The following DENND1B variants were observed in gnomAD, a reference collection of about 807,000 sequenced individuals.
DENND1B encodes the protein DENN domain containing 1B.
A neutral mutation model predicts 90.1 loss-of-function variants in DENND1B; 59 were observed. That is an observed-to-expected ratio of 0.65 (90% CI 0.53 to 0.81). The LOEUF (loss-of-function observed/expected upper bound fraction) is 0.81. Ranked by LOEUF, DENND1B falls within the 40% of genes least tolerant of loss-of-function variation. The pLI, the probability that DENND1B is intolerant of heterozygous loss-of-function variation, is 0.00. For synonymous variants in DENND1B, 337 were observed against 324.6 expected (o/e 1.04, Z -0.41); for missense variants, 862 against 912.6 (o/e 0.94, Z 0.71).
chr1:197,730,569 C>T (rs1747814), intron 2 of DENND1B, among the ~76,000 whole-genome samples: 123,337 of 152,060 alleles, frequency 0.81, 50,145 homozygotes, highest in Middle Eastern at 0.87. Context: ...TGTATTATGA[C>T]ATGGGAACTT....
At chr1:197,685,306 A>G (rs1558400117) in intron 3 of DENND1B, among the ~76,000 whole-genome samples, 2 of 152,198 alleles carry the variant, frequency 1.3e-5, no homozygotes, top group Non-Finnish European at 2.9e-5. Flanking sequence ...GAATCTGTAA[A>G]TAAGACAAAG....
intron 2 of DENND1B, among the ~76,000 whole-genome samples, chr1:197,768,879 A>G (rs562657766): frequency 6.6e-6 from 1 of 152,282 alleles, no homozygotes; most frequent in African/African-American, 2.4e-5. Context: ...AAAAAAATCA[A>G]TATAATGCCT....
At chr1:197,760,213 T>G (rs932097792) in intron 2 of DENND1B, among the ~76,000 whole-genome samples, 2 of 152,180 alleles carry the variant, frequency 1.3e-5, no homozygotes, top group African/African-American at 4.8e-5. Flanking sequence ...ATATTTTGAG[T>G]ATATCATAAG....
intron 20 of DENND1B, among the ~76,000 whole-genome samples, chr1:197,525,981 G>T (rs1282370295): frequency 6.6e-6 from 1 of 152,028 alleles, no homozygotes; most frequent in Non-Finnish European, 1.5e-5. Context: ...TTCAGAGAAG[G>T]TTGAAAAACA....
In DENND1B at chr1:197,658,378, T is replaced by C. The variant is rs376398482; in HGVS notation, c.297-9A>G. ...CAAACCAGGGAAGGTAACTGTAAAA[T>C]AATTATTTTAAAATGTATATACATA... On this transcript the variant is annotated splice_polypyrimidine_tract_variant and intron_variant, in intron 5 of 22. Transcript: ENST00000620048. 6.4e-7 allele frequency: 1 copy of C among 1,552,440 alleles called. No homozygotes were observed. Among genetic ancestry groups the C allele is most frequent in the Non-Finnish European group, 8.8e-7 (1 of 1,130,108 alleles).
chr1:197,631,837 G>A (rs1452912133), intron 10 of DENND1B, among the ~76,000 whole-genome samples: 2 of 151,870 alleles, frequency 1.3e-5, no homozygotes, highest in African/African-American at 4.8e-5. Context: ...ATGTATATGT[G>A]TGTATATGCA....
intron 6 of DENND1B, among the ~76,000 whole-genome samples, chr1:197,653,781 G>A (rs957551793): frequency 6.6e-6 from 1 of 151,900 alleles, no homozygotes; most frequent in Non-Finnish European, 1.5e-5. Context: ...TAATTTATCA[G>A]TAAGAGTTAC....
chr1:197,619,855 A>G, intron 10 of DENND1B, among the ~76,000 whole-genome samples: 1 of 151,346 alleles, frequency 6.6e-6, no homozygotes, highest in East Asian at 2.0e-4. Context: ...AATGGCCAGC[A>G]TCTGGTAGAG....
intron 14 of DENND1B, among the ~76,000 whole-genome samples, chr1:197,587,300 C>T (rs1156616214): frequency 2.6e-5 from 4 of 151,932 alleles, no homozygotes; most frequent in African/African-American, 7.3e-5. Flanking sequence ...AAAGTAACCA[C>T]GTAGAAACAT....
intron 14 of DENND1B, among the ~76,000 whole-genome samples, chr1:197,584,204 A>G (rs1674496173): frequency 6.6e-6 from 1 of 152,230 alleles, no homozygotes; most frequent in African/African-American, 2.4e-5. Context: ...GGAAGACTCA[A>G]TATTATTACA....
chr1:197,615,202 C>G (rs1335710142), intron 11 of DENND1B, among the ~76,000 whole-genome samples: 1 of 151,100 alleles, frequency 6.6e-6, no homozygotes, highest in Non-Finnish European at 1.5e-5. Context: ...ATGGCATAAA[C>G]TAAATCTTAT....
intron 20 of DENND1B, among the ~76,000 whole-genome samples, chr1:197,517,914 C>G (rs1365057573): frequency 2.5e-5 from 3 of 121,600 alleles, no homozygotes; most frequent in Non-Finnish European, 5.3e-5. Context: ...TCCCCCCAGC[C>G]TCCCCATGTT....
intron 7 of DENND1B, among the ~76,000 whole-genome samples, chr1:197,647,966 A>C (rs1680883155): frequency 6.6e-6 from 1 of 151,206 alleles, no homozygotes; most frequent in Non-Finnish European, 1.5e-5. Context: ...AAAAAAAAAG[A>C]TATTATAACT....
chr1:197,523,091 C>T (rs1399474441), intron 20 of DENND1B, among the ~76,000 whole-genome samples: 1 of 151,998 alleles, frequency 6.6e-6, no homozygotes, highest in East Asian at 1.9e-4. Context: ...AAAGCACTCC[C>T]CTTGGTGGTT....
intron 10 of DENND1B, among the ~76,000 whole-genome samples, chr1:197,633,149 G>A (rs1051140199): frequency 1.3e-5 from 2 of 152,152 alleles, no homozygotes; most frequent in African/African-American, 4.8e-5. Context: ...CTCTTGACCA[G>A]TTACATAAAC....
chr1:197,555,683 A>G (rs1487270918), intron 15 of DENND1B, among the ~76,000 whole-genome samples: 1 of 152,160 alleles, frequency 6.6e-6, no homozygotes, highest in Non-Finnish European at 1.5e-5. Flanking sequence ...CAGAATGACT[A>G]TTATTAAAAA....
intron 10 of DENND1B, among the ~76,000 whole-genome samples, chr1:197,636,364 T>TA (rs1243956831): frequency 1.3e-5 from 2 of 152,166 alleles, no homozygotes; most frequent in South Asian, 2.1e-4. Context: ...AGAGGTTCCT[T>TA]AAGGGAAGGG....
intron 10 of DENND1B, among the ~76,000 whole-genome samples, chr1:197,630,636 A>G (rs536160364): frequency 7.9e-5 from 12 of 152,246 alleles, no homozygotes; most frequent in African/African-American, 2.2e-4. Context: ...AGTTCTAATC[A>G]TCTCACATTT....
chr1:197,570,681 T>C (rs1039116921), intron 15 of DENND1B, among the ~76,000 whole-genome samples: 3 of 152,154 alleles, frequency 2.0e-5, no homozygotes, highest in African/African-American at 7.2e-5. Context: ...CATAAAGAGG[T>C]TACCTTTAAT....
Sources: gnomAD v4.1 joint callset for allele counts (sites outside exome capture counted in the v4.1 genomes callset) on GRCh38, gnomAD v4.1.1 for gene constraint, MANE v1.5 for transcripts, NCBI Gene and HGNC (gene_info 2026-07-23, HGNC 2026-07-21) for gene names.